SPATA20: variants seen among roughly 807,000 people sequenced by gnomAD.
SPATA20 encodes spermatogenesis-associated protein 20.
A neutral mutation model predicts 98.9 loss-of-function variants in SPATA20; 74 were observed. The observed-to-expected ratio is 0.75, with a 90% CI of 0.62 to 0.91. The LOEUF is 0.91. SPATA20 is among the 40% of genes least tolerant of loss of function. SPATA20 has a pLI of 0.00. For missense variants in SPATA20, 1,016 were observed against 1,069.8 expected (o/e 0.95, Z 0.70); for synonymous variants, 430 against 440.5 (o/e 0.98, Z 0.30).
At position 50,549,305 on chromosome 17, in the gene SPATA20, C is replaced by A. The variant is rs766362596; in HGVS notation, c.680C>A (p.Thr227Asn). Residue 227 changes from threonine (T) to asparagine (N), a missense_variant, in exon 7 of 17, where the codon ACC (threonine) becomes AAC (asparagine). Coordinates refer to ENST00000006658, the MANE Select transcript of SPATA20 (RefSeq NM_022827.4). ...CCGCAGTGGAAACAGAACAAGAACA[C>A]CCTGCTAGAAAATAGCCAGCGTGTC... ...IREQWKQNKN[T>N]LLENSQRVTT... is the part of the protein sequence containing the mutation. 3.7e-6 allele frequency: 6 copies of A among 1,612,418 alleles called. No individual in the cohort carries two copies. In the East Asian group the frequency reaches 6.7e-5, roughly 18 times the overall value.
At position 50,551,699 on chromosome 17, in the gene SPATA20, G is replaced by T; in HGVS notation, c.1745+20G>T. On this transcript the variant is annotated intron_variant, in intron 13 of 16. Transcript: ENST00000006658. The stretch of plus-strand genomic sequence containing the variant: ...GCACAGGTTGGGGGCTGGGTAGACC[G>T]GGAGGGCCCGTCTCCCCAACGCGTC... The T allele has an allele frequency of 1.9e-6, 3 of 1,578,722 alleles. No homozygotes were observed. The highest frequency in any genetic ancestry group is 1.7e-6 in the Non-Finnish European group (2 of 1,154,178).
At position 50,547,761 on chromosome 17, in the gene SPATA20, C is replaced by T. The variant is rs771040434; in HGVS notation, c.119C>T (p.Pro40Leu). ...CCCAGGACCTGGCCCCACAGGAGTC[C>T]CAGCAGGTGGGCGCTGAGTGAGGGA... ...VWPRTWPHRS[P>L]SRGSSSRDKD... Residue 40 changes from proline (P) to leucine (L), a missense_variant, in exon 2 of 17, where the codon CCC (proline) becomes CTC (leucine). Physicochemically the swap from Pro to Leu is moderately conservative, Grantham distance 98. Transcript: ENST00000006658. 1 of 784,430 alleles carries T rather than the reference C, an allele frequency of 1.3e-6. No homozygotes were observed. The highest frequency in any genetic ancestry group is 2.4e-5 in the East Asian group (1 of 41,260). The allele number at this position is 784,430 out of a possible 1,614,324, so 48.6% of individuals were successfully genotyped here. A position where few individuals can be genotyped will look rare whatever the true frequency, so the allele number is the denominator to read the frequency against.
chr17:50,551,404 G>T (rs192161554), intron 12 of SPATA20, 107 bp from the exon 13 acceptor site: 17,205 of 1,359,350 alleles, frequency 0.013, 126 homozygotes, highest in Non-Finnish European at 0.015. Flanking sequence ...AAGATCTTAG[G>T]GATCACCCAT....
intron 14 of SPATA20, among the ~76,000 whole-genome samples, chr17:50,553,547 C>T (rs1157271338): frequency 1.4e-5 from 2 of 142,080 alleles, no homozygotes; most frequent in South Asian, 2.2e-4. Flanking sequence ...GCCGGCAGGG[C>T]ACGGAAGCCG....
chr17:50,547,983 A>T (rs1409059904), intron 2 of SPATA20: 2 of 1,489,286 alleles, frequency 1.3e-6, no homozygotes, highest in Admixed American at 2.2e-5. Context: ...ATGGAGCCCC[A>T]AGAACCATTC....
chr17:50,550,381 G>A, intron 9 of SPATA20, 69 bp downstream of exon 9: 1 of 1,396,544 alleles, frequency 7.2e-7, no homozygotes, highest in African/African-American at 1.4e-5. Flanking sequence ...CCTTCCTGGT[G>A]ACTGTGGCTT....
chr17:50,552,058 G>C lies in SPATA20; in HGVS notation c.1835G>C (p.Trp612Ser), dbSNP rs754540689. The C allele has an allele frequency of 2.5e-6, 4 of 1,613,908 alleles. No homozygotes were observed. The South Asian group carries it at 4.4e-5, about 18-fold the overall frequency. The change falls in exon 14 of 17, where the codon TGG (tryptophan) becomes TCG (serine). Residue 612 changes from tryptophan (W) to serine (S), a missense_variant. Coordinates refer to ENST00000006658, the MANE Select transcript of SPATA20 (RefSeq NM_022827.4). ...DLYEASQESA[W>S]LEWALRLQDT... ...TATGAGGCCTCACAGGAGAGTGCGTGGCTCGAGTGGGCTCTGCGGCTGCAG... is the reference window on the plus strand; with the variant it reads ...TATGAGGCCTCACAGGAGAGTGCGTCGCTCGAGTGGGCTCTGCGGCTGCAG...
intron 5 of SPATA20, 29 bp downstream of exon 5, chr17:50,548,993 G>A (rs781075277): frequency 4.8e-5 from 78 of 1,613,880 alleles, no homozygotes; most frequent in Non-Finnish European, 6.4e-5. Context: ...GAGTGTATGC[G>A]CCACATGGGC....
In SPATA20 at chr17:50,554,373, G is replaced by C. The variant is rs759763908; in HGVS notation, c.2080G>C (p.Glu694Gln). Reference sequence around the variant, plus strand: ...TGTGTGCCTATTGACCGCCTTTTCCGAGCGCATGCGTCGTGTCCCGGTGGC... The same window carrying C: ...TGTGTGCCTATTGACCGCCTTTTCCCAGCGCATGCGTCGTGTCCCGGTGGC... ...KCVCLLTAFS[E>Q]RMRRVPVALP... Residue 694 changes from glutamate to glutamine, a missense_variant, in exon 15 of 17, where the codon GAG (glutamate) becomes CAG (glutamine). Glu to Gln is a conservative substitution (Grantham distance 29). Transcript: ENST00000006658. 1 of 1,614,140 alleles carries C rather than the reference G, an allele frequency of 6.2e-7. No homozygotes were observed. The highest frequency in any genetic ancestry group is 1.3e-5 in the African/African-American group (1 of 75,058).
At position 50,554,290 on chromosome 17, in the gene SPATA20, C is replaced by A. The variant is rs758287283; in HGVS notation, c.1997C>A (p.Ala666Asp). The part of the protein sequence containing the change: ...GAEPSANSVS[A>D]HNLLRLHGFT... ...GAGCCCAGCGCCAATTCCGTGTCAGCCCACAACCTGCTCCGGCTGCATGGC... is the reference window on the plus strand; with the variant it reads ...GAGCCCAGCGCCAATTCCGTGTCAGACCACAACCTGCTCCGGCTGCATGGC... Residue 666 changes from alanine (A) to aspartate (D), a missense_variant, in exon 15 of 17, where the codon GCC becomes GAC. Coordinates refer to ENST00000006658, the MANE Select transcript of SPATA20 (RefSeq NM_022827.4). 1 of 1,614,078 alleles carries A rather than the reference C, an allele frequency of 6.2e-7. No individual in the cohort carries two copies. The highest frequency in any genetic ancestry group is 1.3e-5 in the African/African-American group (1 of 74,936).
At chr17:50,550,141 AG>A (rs2034987433) in intron 8 of SPATA20, 26 bp downstream of exon 8, 3 of 1,611,574 alleles carry the variant, frequency 1.9e-6, no homozygotes, top group Non-Finnish European at 2.5e-6. Context: ...TGTTCCCTGG[AG>A]GGGCAGCAGG....
chr17:50,554,600 C>G, intron 15 of SPATA20, 150 bp downstream of exon 15: 1 of 755,622 alleles, frequency 1.3e-6, no homozygotes. Context: ...GACAGGGAGG[C>G]AGAAGTTAAT....
At chr17:50,550,510 A>C in intron 9 of SPATA20, 26 bp from the exon 10 acceptor site, 3 of 1,610,222 alleles carry the variant, frequency 1.9e-6, no homozygotes, top group Non-Finnish European at 2.5e-6. Context: ...CTCTCTGTTC[A>C]CAGTCTCCTT....
At position 50,547,279 on chromosome 17, in the gene SPATA20, G is replaced by C; in HGVS notation, c.71G>C (p.Ser24Thr). ...LPRAGAGLAA[S>T]RRCPGVWPRT... ...CGCGCCGGTGCAGGCCTCGCCGCGAGCCGCAGGTACGGGCGGGCGAGCGGG... is the reference window on the plus strand; with the variant it reads ...CGCGCCGGTGCAGGCCTCGCCGCGACCCGCAGGTACGGGCGGGCGAGCGGG... The change falls in exon 1 of 17, where the codon AGC (serine) becomes ACC (threonine). Residue 24 changes from serine to threonine, a missense_variant. By Grantham distance (58) the Ser-to-Thr change is moderately conservative. Coordinates refer to ENST00000006658, the MANE Select transcript of SPATA20 (RefSeq NM_022827.4). 5 of 1,377,352 alleles carry C rather than the reference G, an allele frequency of 3.6e-6. No homozygotes were observed. The highest frequency in any genetic ancestry group is 4.7e-6 in the Non-Finnish European group (5 of 1,073,054). 85.3% of individuals were successfully genotyped at this position (1,377,352 alleles called of 1,614,324 possible).
Position 50,555,520 on chromosome 17 carries a change from C to G in SPATA20, c.2267C>G (p.Ser756Trp). ...KVLILADGDP[S>W]SFLSRQLPFL... ...CTGATTCTGGCTGATGGGGACCCCT[C>G]GAGCTTCCTGTCCCGCCAGCTGCCT... The change falls in exon 17 of 17, where the codon TCG becomes TGG. Residue 756 changes from serine (S) to tryptophan (W), a missense_variant. Ser to Trp is a radical substitution (Grantham distance 177, BLOSUM62 -3). Coordinates refer to ENST00000006658, the MANE Select transcript of SPATA20 (RefSeq NM_022827.4). The G allele has an allele frequency of 3.7e-6, 6 of 1,614,014 alleles. No homozygotes were observed. Among genetic ancestry groups the G allele is most frequent in the Non-Finnish European group, 5.1e-6 (6 of 1,179,980 alleles).
intron 7 of SPATA20, 134 bp from the exon 8 acceptor site, chr17:50,549,851 G>A: frequency 1.0e-6 from 1 of 1,004,388 alleles, no homozygotes; most frequent in African/African-American, 1.6e-5. Context: ...GTTGACTCTT[G>A]ACCTCACAGC....
At chr17:50,552,894 C>G (rs2035038567) in intron 14 of SPATA20, among the ~76,000 whole-genome samples, 1 of 152,194 alleles carries the variant, frequency 6.6e-6, no homozygotes, top group South Asian at 2.1e-4. Context: ...TTGGTACTAC[C>G]TTACAGGGTT....
intron 4 of SPATA20, 33 bp downstream of exon 4, chr17:50,548,651 T>C (rs902419461): frequency 6.2e-7 from 1 of 1,608,446 alleles, no homozygotes; most frequent in Non-Finnish European, 8.5e-7. Flanking sequence ...TGTGGGGGTG[T>C]GGGCAGGGAG....
Position 50,550,734 on chromosome 17 carries a change from T to A in SPATA20, c.1200T>A (p.Asp400Glu). Residue 400 changes from aspartate to glutamate, a missense_variant, in exon 11 of 17, where the codon GAT becomes GAA. Coordinates refer to ENST00000006658, the MANE Select transcript of SPATA20 (RefSeq NM_022827.4). Reference sequence around the variant, plus strand: ...CCGGAGGCTTCTATAGCGCAGAAGATGCAGACTCGCCCCCAGAGCGGGGCC... The same window carrying A: ...CCGGAGGCTTCTATAGCGCAGAAGAAGCAGACTCGCCCCCAGAGCGGGGCC... ...HRSGGFYSAEDADSPPERGQR... is the reference protein window; with the variant it reads ...HRSGGFYSAEEADSPPERGQR... 6.2e-7 allele frequency: 1 copy of A among 1,613,232 alleles called. No individual in the cohort carries two copies. The highest frequency in any genetic ancestry group is 1.1e-5 in the South Asian group (1 of 91,086).
Sources: allele counts gnomAD v4.1 joint callset (sites outside exome capture counted in the v4.1 genomes callset), GRCh38; gene constraint gnomAD v4.1.1; transcripts MANE v1.5; gene names NCBI Gene and HGNC (gene_info 2026-07-23, HGNC 2026-07-21).